The following TANGO2 variants were observed in gnomAD, a reference collection of about 807,000 sequenced individuals.
The protein encoded by TANGO2 is transport and golgi organization 2 homolog, also known as transport and Golgi organization protein 2 homolog.
In TANGO2, 26 loss-of-function variants were observed where a neutral mutation model predicts 39.1. The observed-to-expected ratio is 0.67, with a 90% confidence interval of 0.49 to 0.92. TANGO2 has a LOEUF of 0.92. TANGO2 is among the 40% of genes least tolerant of loss of function. The pLI is 0.00. For missense variants in TANGO2, 326 were observed against 360.1 expected (o/e 0.91, Z 0.77); for synonymous variants, 131 against 144.5 (o/e 0.91, Z 0.67).
rs755818497 is a variant in TANGO2 at position 20,065,898 on chromosome 22, A to G, written c.*1236A>G. ...CTGTACCTGAATGTGAGCTCCTGATAATAAAACTCTGAGGCTTTGGTGAGC... is the reference window on the plus strand; with the variant it reads ...CTGTACCTGAATGTGAGCTCCTGATGATAAAACTCTGAGGCTTTGGTGAGC... On this transcript the variant is annotated 3_prime_UTR_variant, in exon 9 of 9. Coordinates refer to ENST00000327374, the MANE Select transcript of TANGO2 (RefSeq NM_152906.7). The G allele has an allele frequency of 2.0e-5, 3 of 152,280 alleles. No homozygotes were observed. The highest frequency in any genetic ancestry group is 2.9e-5 in the Non-Finnish European group (2 of 68,128). 9.4% of individuals were successfully genotyped at this position (152,280 alleles called of 1,614,324 possible).
rs1491540119 is a variant in TANGO2 at position 20,050,357 on chromosome 22, G to GTTTTTTTTTT, written c.146-2108_146-2107insTTTTTTTTTT. 8.7e-5 allele frequency among the ~76,000 whole-genome samples: 6 copies of GTTTTTTTTTT among 69,202 alleles called. 2 individuals are homozygous for GTTTTTTTTTT. Among genetic ancestry groups the GTTTTTTTTTT allele is most frequent in the Non-Finnish European group, 5.3e-5 (2 of 37,890 alleles). The allele number at this position is 69,202 out of a possible 152,430, so 45.4% of individuals were successfully genotyped here. The stretch of plus-strand genomic sequence containing the variant: ...ATTTTTCATTAAATATTTTCCTGGT[G>GTTTTTTTTTT]GTTTTTTTTTTTTTTTTTTTTTTTG... On this transcript the variant is annotated intron_variant, in intron 3 of 8. Transcript: ENST00000327374.
chr22:20,034,064 G>C (rs1335910314), intron 1 of TANGO2, among the ~76,000 whole-genome samples: 1 of 152,208 alleles, frequency 6.6e-6, no homozygotes, highest in Non-Finnish European at 1.5e-5. Flanking sequence ...AATTAGCTGG[G>C]CGTGGTGGCG....
At chr22:20,062,772 C>A (rs937342512) in intron 7 of TANGO2, among the ~76,000 whole-genome samples, 3 of 152,158 alleles carry the variant, frequency 2.0e-5, no homozygotes, top group Non-Finnish European at 4.4e-5. Context: ...GGCCAAAGCT[C>A]CACGATTGAG....
chr22:20,047,228 G>GTT lies in TANGO2; in HGVS notation c.145+3787_145+3788dup, dbSNP rs1281456111. Among the ~76,000 whole-genome samples, 146 of 132,698 alleles carry GTT rather than the reference G, an allele frequency of 1.1e-3. 2 individuals are homozygous for GTT. Among genetic ancestry groups the GTT allele is most frequent in the African/African-American group, 2.2e-3 (80 of 36,916 alleles). 87.1% of individuals were successfully genotyped at this position (132,698 alleles called of 152,430 possible). A position where few individuals can be genotyped will look rare whatever the true frequency, so the allele number is the denominator to read the frequency against. ...ACACTGGGGATCAGTTTTTTGGTTTGTTTGTTTTTTTTTTTTTTTTTTGAG... is the reference window on the plus strand; with the variant it reads ...ACACTGGGGATCAGTTTTTTGGTTTGTTTTTGTTTTTTTTTTTTTTTTTTGAG... On this transcript the variant is annotated intron_variant, in intron 3 of 8. Coordinates refer to ENST00000327374, the MANE Select transcript of TANGO2 (RefSeq NM_152906.7).
intron 1 of TANGO2, among the ~76,000 whole-genome samples, chr22:20,025,671 G>C (rs2040597796): frequency 6.6e-6 from 1 of 152,184 alleles, no homozygotes; most frequent in Non-Finnish European, 1.5e-5. Context: ...CTATCTTCTG[G>C]CTGAGACCTC....
chr22:20,021,737 C>A, intron 1 of TANGO2, among the ~76,000 whole-genome samples: 1 of 152,186 alleles, frequency 6.6e-6, no homozygotes, highest in Non-Finnish European at 1.5e-5. Context: ...GCACTCAGGG[C>A]AGTCCTTGCC....
intron 6 of TANGO2, among the ~76,000 whole-genome samples, chr22:20,060,348 CAAA>C (rs1180539682): frequency 5.0e-5 from 4 of 80,674 alleles, no homozygotes. Context: ...GACTCCGTCT[CAAA>C]AAAAAAAAAA....
intron 2 of TANGO2, among the ~76,000 whole-genome samples, chr22:20,040,744 C>T (rs577468121): frequency 6.6e-6 from 1 of 152,234 alleles, no homozygotes; most frequent in Non-Finnish European, 1.5e-5. Flanking sequence ...AAGGTGGGCT[C>T]TCCTGCCATC....
At position 20,056,000 on chromosome 22, in the gene TANGO2, C is replaced by T. The variant is rs376299828; in HGVS notation, c.438C>T (p.Ile146=). The T allele has an allele frequency of 5.6e-6, 9 of 1,613,930 alleles. No homozygotes were observed. The highest frequency in any genetic ancestry group is 1.6e-4 in the Middle Eastern group (1 of 6,084). The stretch of plus-strand genomic sequence containing the variant: ...GGAACCGAGGGGAGCCTGATCCTAT[C>T]GTTTTGACGCCAGGTGAGCCTGCCC... ...YYGNRGEPDP[I]VLTPGTYGLS... is the part of the protein sequence containing the mutation. The change falls in exon 6 of 9, where the codon ATC becomes ATT. Residue 146 remains isoleucine (I), a synonymous_variant. Transcript: ENST00000327374.
At chr22:20,037,107 A>T (rs927651504) in intron 2 of TANGO2, 15 of 1,516,608 alleles carry the variant, frequency 9.9e-6, no homozygotes, top group Non-Finnish European at 1.3e-5. Flanking sequence ...AGGACAGAGG[A>T]GTGACATGGG....
chr22:20,025,334 C>T (rs2040527474), intron 1 of TANGO2, among the ~76,000 whole-genome samples: 1 of 151,890 alleles, frequency 6.6e-6, no homozygotes, highest in African/African-American at 2.4e-5. Context: ...CTCAGGTGAT[C>T]CACCCACCTC....
intron 2 of TANGO2, among the ~76,000 whole-genome samples, chr22:20,040,462 G>A (rs560414003): frequency 8.5e-5 from 13 of 152,290 alleles, no homozygotes; most frequent in African/African-American, 3.1e-4. Flanking sequence ...CCCGACCCCT[G>A]TTCACCTGCA....
rs2147864816 is a variant in TANGO2 at position 20,064,580 on chromosome 22, T to C, written c.749T>C (p.Val250Ala). 1 of 1,614,162 alleles carries C rather than the reference T, an allele frequency of 6.2e-7. No homozygotes were observed. The highest frequency in any genetic ancestry group is 1.3e-5 in the African/African-American group (1 of 75,054). The change falls in exon 9 of 9, where the codon GTG becomes GCG. Residue 250 changes from valine to alanine, a missense_variant. Coordinates refer to ENST00000327374, the MANE Select transcript of TANGO2 (RefSeq NM_152906.7). The part of the protein sequence containing the change: ...TIILVDADGH[V>A]TFTERSMMDK... ...ATCCTGGTAGATGCGGACGGCCACG[T>C]GACCTTCACTGAGCGTAGCATGATG...
chr22:20,020,324 T>C (rs2039474583), upstream of TANGO2, among the ~76,000 whole-genome samples: 1 of 152,208 alleles, frequency 6.6e-6, no homozygotes, highest in South Asian at 2.1e-4. Context: ...GCTTTGACTC[T>C]CCACCTTTCT....
At chr22:20,060,560 T>A (rs75418691) in intron 6 of TANGO2, among the ~76,000 whole-genome samples, 1 of 152,072 alleles carries the variant, frequency 6.6e-6, no homozygotes, top group African/African-American at 2.4e-5. Flanking sequence ...CCACCTCTCT[T>A]GACCTGAGTT....
At chr22:20,019,262 A>T (rs1055313201), upstream of TANGO2, 5 of 152,162 alleles carry the variant, frequency 3.3e-5, no homozygotes, top group Admixed American at 3.3e-4. Flanking sequence ...ACTTTTCAAG[A>T]GTGGCAGCTG....
rs375582023 is a variant in TANGO2, at chr22:20,064,653, G to A, written c.822G>A (p.Leu274=). Residue 274 remains leucine (L), a synonymous_variant, in exon 9 of 9, where the codon CTG becomes CTA. Transcript: ENST00000327374. ...AGACCAGAACCTATGAGTTCACACTGCAGAGCTAACCCCACCTCTGGGCCT... is the reference window on the plus strand; with the variant it reads ...AGACCAGAACCTATGAGTTCACACTACAGAGCTAACCCCACCTCTGGGCCT... ...HWETRTYEFT[L]QS 108 of 1,614,126 alleles carry A rather than the reference G, an allele frequency of 6.7e-5. No individual in the cohort carries two copies. In the East Asian group the frequency reaches 1.3e-3, roughly 20 times the overall value.
rs771551338 is a variant in TANGO2, at chr22:20,052,486, A to G, written c.167A>G (p.Lys56Arg). The G allele has an allele frequency of 5.0e-6, 8 of 1,606,020 alleles. No homozygotes were observed. The highest frequency in any genetic ancestry group is 6.8e-6 in the Non-Finnish European group (8 of 1,176,470). ...ILSGLDMEEG[K>R]EGGTWLGIST... ...ACAGGGCTGGACATGGAGGAAGGCA[A>G]GGAAGGAGGCACATGGCTGGGCATC... is the stretch of plus-strand genomic sequence containing the variant. The change falls in exon 4 of 9, where the codon AAG becomes AGG. Residue 56 changes from lysine (K) to arginine (R), a missense_variant. By Grantham distance (26) the Lys-to-Arg change is conservative (BLOSUM62 2). Transcript: ENST00000327374.
At chr22:20,022,259 A>G (rs1377160239) in intron 1 of TANGO2, among the ~76,000 whole-genome samples, 4 of 152,210 alleles carry the variant, frequency 2.6e-5, no homozygotes, top group Non-Finnish European at 5.9e-5. Flanking sequence ...CAGTGCCTCT[A>G]CTACTCCTGG....
Sources: gnomAD v4.1 joint callset for allele counts (sites outside exome capture counted in the v4.1 genomes callset) on GRCh38, gnomAD v4.1.1 for gene constraint, MANE v1.5 for transcripts, NCBI Gene and HGNC (gene_info 2026-07-23, HGNC 2026-07-21) for gene names.